The following FSTL4 variants were observed in gnomAD, a reference collection of about 807,000 sequenced individuals.
The protein encoded by FSTL4 is follistatin like 4, also known as follistatin-related protein 4.
FSTL4 carries 28 observed loss-of-function variants against 78.2 expected under a neutral mutation model. That is an observed-to-expected ratio of 0.36 (90% confidence interval 0.27 to 0.49). FSTL4 has a LOEUF of 0.49. FSTL4 is among the 20% of genes least tolerant of loss of function. The pLI, the probability that FSTL4 is intolerant of heterozygous loss-of-function variation, is 0.98. For synonymous variants in FSTL4, 422 were observed against 440.5 expected (o/e 0.96, Z 0.53); for missense variants, 922 against 1,084.9 (o/e 0.85, Z 2.11).
At chr5:133,472,167 T>A (rs1380959717) in intron 3 of FSTL4, among the ~76,000 whole-genome samples, 1 of 152,218 alleles carries the variant, frequency 6.6e-6, no homozygotes, top group Non-Finnish European at 1.5e-5. Flanking sequence ...ATTTGGGGGT[T>A]ATATAGCAGT....
chr5:133,538,907 T>C (rs1048971058), intron 3 of FSTL4, among the ~76,000 whole-genome samples: 8 of 152,186 alleles, frequency 5.3e-5, no homozygotes, highest in Admixed American at 5.2e-4. Flanking sequence ...TGGGGGCTTG[T>C]TGAGCGTCTC....
chr5:133,785,632 G>C, the FSTL4 span, among the ~76,000 whole-genome samples: 79 of 152,172 alleles, frequency 5.2e-4, no homozygotes, highest in Non-Finnish European at 5.9e-5. Context: ...GAGGAAGAAG[G>C]TGCCATCTTC....
intron 3 of FSTL4, among the ~76,000 whole-genome samples, chr5:133,535,696 G>C (rs1307986240): frequency 3.9e-5 from 6 of 152,078 alleles, no homozygotes. Flanking sequence ...GCGCTGCTAG[G>C]TTAGGGTCTC....
At chr5:133,781,364 GTTGTGTGTGT>G in the FSTL4 span, among the ~76,000 whole-genome samples, 87 of 89,610 alleles carry the variant, frequency 9.7e-4, no homozygotes, top group African/African-American at 3.5e-3. Context: ...TTGTTAAGCG[GTTGTGTGTGT>G]GTGTGTGTGT....
At chr5:133,335,135 C>T (rs758588179) in intron 4 of FSTL4, among the ~76,000 whole-genome samples, 3 of 152,198 alleles carry the variant, frequency 2.0e-5, no homozygotes, top group Admixed American at 6.5e-5. Flanking sequence ...CGTGGCTGGC[C>T]GTGGCTCCTG....
At chr5:133,823,863 C>T in the FSTL4 span, among the ~76,000 whole-genome samples, 14,976 of 152,254 alleles carry the variant, frequency 0.098, 859 homozygotes, top group East Asian at 0.22. Context: ...GGCTGCAACT[C>T]CCCGCTGCAG....
the FSTL4 span, among the ~76,000 whole-genome samples, chr5:133,815,511 G>T: frequency 1.3e-5 from 2 of 152,154 alleles, no homozygotes; most frequent in African/African-American, 4.8e-5. Context: ...CTCGAAATAC[G>T]ACTGTCCTCA....
At chr5:133,777,474 T>C in the FSTL4 span, among the ~76,000 whole-genome samples, 179 of 152,354 alleles carry the variant, frequency 1.2e-3, no homozygotes, top group African/African-American at 4.0e-3. Context: ...ACAAGTAGTT[T>C]TGAAAACTAT....
At chr5:133,628,370 T>C in the FSTL4 span, among the ~76,000 whole-genome samples, 1 of 151,490 alleles carries the variant, frequency 6.6e-6, no homozygotes, top group Non-Finnish European at 1.5e-5. Context: ...TCTTTTCTTT[T>C]TTTTTTGAGA....
At chr5:133,798,634 AGGG>A in the FSTL4 span, among the ~76,000 whole-genome samples, 1 of 152,128 alleles carries the variant, frequency 6.6e-6, no homozygotes, top group Non-Finnish European at 1.5e-5. Flanking sequence ...CCTCATGCAC[AGGG>A]CTCTGACCTA....
rs138459546 is a variant in FSTL4 at position 133,364,984 on chromosome 5, C to T, written c.409+35754G>A. On this transcript the variant is annotated intron_variant, in intron 4 of 15. Transcript: ENST00000265342. Reference sequence around the variant, plus strand: ...AGCTTCACTGATCTATTAAGATTCTCTGAGGCCGCTGCCTCACAGATGAAG... The same window carrying T: ...AGCTTCACTGATCTATTAAGATTCTTTGAGGCCGCTGCCTCACAGATGAAG... 2.4e-3 allele frequency among the ~76,000 whole-genome samples: 371 copies of T among 152,286 alleles called. 4 individuals carry two copies. Among genetic ancestry groups the T allele is most frequent in the Admixed American group, 2.4e-3 (36 of 15,306 alleles).
chr5:133,397,865 T>C (rs1756109575), intron 4 of FSTL4, among the ~76,000 whole-genome samples: 1 of 152,268 alleles, frequency 6.6e-6, no homozygotes, highest in Non-Finnish European at 1.5e-5. Flanking sequence ...TGGATGATTT[T>C]AGAATTTTTG....
intron 3 of FSTL4, among the ~76,000 whole-genome samples, chr5:133,476,602 T>C (rs986409762): frequency 4.6e-5 from 7 of 152,206 alleles, no homozygotes; most frequent in Non-Finnish European, 1.0e-4. Context: ...GCCTAGCCAC[T>C]TACCTCCTTG....
At chr5:133,777,308 A>C in the FSTL4 span, among the ~76,000 whole-genome samples, 1 of 152,230 alleles carries the variant, frequency 6.6e-6, no homozygotes, top group African/African-American at 2.4e-5. Context: ...AATGTTATAC[A>C]GTATGCTTAT....
At chr5:133,317,773 A>G (rs1301737429) in intron 4 of FSTL4, among the ~76,000 whole-genome samples, 2 of 152,232 alleles carry the variant, frequency 1.3e-5, no homozygotes, top group Non-Finnish European at 1.5e-5. Flanking sequence ...AGGGGTTGTT[A>G]CGAGGATTAA....
chr5:133,798,676 A>G, the FSTL4 span, among the ~76,000 whole-genome samples: 1 of 152,106 alleles, frequency 6.6e-6, no homozygotes, highest in Admixed American at 6.5e-5. Flanking sequence ...TGCGGTGGCC[A>G]TACCCAGCCA....
chr5:133,327,719 C>T (rs1215262794), intron 4 of FSTL4, among the ~76,000 whole-genome samples: 1 of 152,158 alleles, frequency 6.6e-6, no homozygotes, highest in Non-Finnish European at 1.5e-5. Flanking sequence ...GGGTCTGTCT[C>T]TTGTTGAGCT....
At chr5:133,352,291 T>G (rs1754843558) in intron 4 of FSTL4, among the ~76,000 whole-genome samples, 1 of 133,418 alleles carries the variant, frequency 7.5e-6, no homozygotes. Flanking sequence ...CACACATATA[T>G]ATACACACAC....
the FSTL4 span, among the ~76,000 whole-genome samples, chr5:133,791,381 A>G: frequency 2.6e-5 from 4 of 152,034 alleles, no homozygotes; most frequent in Non-Finnish European, 4.4e-5. Context: ...TATACATTAC[A>G]TGTATATTAT....
Sources: gnomAD v4.1 joint callset for allele counts (sites outside exome capture counted in the v4.1 genomes callset) on GRCh38, gnomAD v4.1.1 for gene constraint, MANE v1.5 for transcripts, NCBI Gene and HGNC (gene_info 2026-07-23, HGNC 2026-07-21) for gene names.